ACER3: variants seen among roughly 807,000 people sequenced by gnomAD.
ACER3 encodes alkCDase 3.
ACER3 carries 16 observed loss-of-function variants against 48.9 expected under a neutral mutation model. The observed-to-expected ratio is 0.33, with a 90% CI of 0.22 to 0.50. ACER3 has a LOEUF of 0.50. Among genes scored for constraint, ACER3 ranks in the 20% least tolerant of loss-of-function variants. The probability of loss-of-function intolerance (pLI) is 0.98; values close to 1 mark genes in which losing one functional copy is unlikely to be tolerated. For synonymous variants in ACER3, 109 were observed against 107.8 expected (o/e 1.01, Z -0.07); for missense variants, 227 against 326.0 (o/e 0.70, Z 2.34).
chr11:76,971,324 G>T (rs548797833), intron 3 of ACER3, among the ~76,000 whole-genome samples: 5 of 151,990 alleles, frequency 3.3e-5, no homozygotes, highest in Non-Finnish European at 7.4e-5. Context: ...GGTGGATCAC[G>T]AGGTCAAGAG....
At chr11:76,917,409 C>T (rs1370190458) in intron 1 of ACER3, among the ~76,000 whole-genome samples, 1 of 151,940 alleles carries the variant, frequency 6.6e-6, no homozygotes, top group Non-Finnish European at 1.5e-5. Flanking sequence ...TTATATATAT[C>T]CCAAAGAAAA....
At chr11:76,927,380 T>C (rs1466097501) in intron 2 of ACER3, among the ~76,000 whole-genome samples, 1 of 152,230 alleles carries the variant, frequency 6.6e-6, no homozygotes, top group Admixed American at 6.5e-5. Flanking sequence ...TGTCATGTTC[T>C]TGCATCATCA....
intron 1 of ACER3, among the ~76,000 whole-genome samples, chr11:76,905,923 A>G (rs948902170): frequency 9.9e-5 from 15 of 152,252 alleles, no homozygotes; most frequent in African/African-American, 3.6e-4. Flanking sequence ...TACACACCAA[A>G]TTAACCATTA....
chr11:76,970,263 G>T (rs1049241638), intron 3 of ACER3, among the ~76,000 whole-genome samples: 10 of 152,176 alleles, frequency 6.6e-5, no homozygotes, highest in African/African-American at 2.4e-4. Context: ...CATCCAGTCA[G>T]TTGGAGAGCT....
At chr11:76,959,861 T>G (rs193069057) in intron 3 of ACER3, among the ~76,000 whole-genome samples, 1 of 152,060 alleles carries the variant, frequency 6.6e-6, no homozygotes, top group African/African-American at 2.4e-5. Context: ...GCCGTTAGTG[T>G]TAATTTTATG....
In ACER3 at chr11:76,901,209, T is replaced by C. The variant is rs567942208; in HGVS notation, c.104-25348T>C. On this transcript the variant is annotated intron_variant, in intron 1 of 10. Transcript: ENST00000532485. ...AAGGGGGTAGATCACTTTGATACTTTTGGTGTTGAACTTATGGGGTTCTCA... is the reference window on the plus strand; with the variant it reads ...AAGGGGGTAGATCACTTTGATACTTCTGGTGTTGAACTTATGGGGTTCTCA... Among the ~76,000 whole-genome samples, 4 of 152,046 alleles carry C rather than the reference T, an allele frequency of 2.6e-5. No homozygotes were observed. The South Asian group carries it at 8.4e-4, about 32-fold the overall frequency.
intron 1 of ACER3, among the ~76,000 whole-genome samples, chr11:76,890,091 T>C (rs1328959429): frequency 6.6e-6 from 1 of 152,180 alleles, no homozygotes; most frequent in Non-Finnish European, 1.5e-5. Flanking sequence ...TTTTGGAGAT[T>C]TGAGAAATCT....
chr11:77,010,611 C>T (rs949930134), intron 7 of ACER3, among the ~76,000 whole-genome samples: 3 of 152,026 alleles, frequency 2.0e-5, no homozygotes, highest in Non-Finnish European at 4.4e-5. Context: ...AATTGATGGG[C>T]ATGAGTTATT....
chr11:76,942,608 A>G (rs1947366506), intron 2 of ACER3, among the ~76,000 whole-genome samples: 1 of 151,546 alleles, frequency 6.6e-6, no homozygotes, highest in Non-Finnish European at 1.5e-5. Flanking sequence ...GAGGTTTTTT[A>G]TGTCTATGTT....
At position 76,985,647 on chromosome 11, in the gene ACER3, G is replaced by A; in HGVS notation, c.325G>A (p.Glu109Lys). The change falls in exon 5 of 11, where the codon GAA becomes AAA. Residue 109 changes from glutamate to lysine, a missense_variant. Around this residue, in one of 3 missense-constraint regions of ACER3, gnomAD observed 195 missense variants for 290.8 expected, o/e 0.67. Transcript: ENST00000532485. The stretch of plus-strand genomic sequence containing the variant: ...TCTTTCTCTCTTTTTTTCAAGGTTT[G>A]AATGTTTCAAGATCAAGAACTCAGT... ...SCCIFVYCMF[E>K]CFKIKNSVNY... 1 of 1,558,242 alleles carries A rather than the reference G, an allele frequency of 6.4e-7. No homozygotes were observed. The highest frequency in any genetic ancestry group is 8.6e-7 in the Non-Finnish European group (1 of 1,160,052).
chr11:76,990,880 AAGTCTTTT>A (rs1448865507), intron 6 of ACER3, among the ~76,000 whole-genome samples: 5 of 152,246 alleles, frequency 3.3e-5, no homozygotes, highest in African/African-American at 1.2e-4. Flanking sequence ...CATACACATA[AAGTCTTTT>A]TATGACATCT....
rs141223521 is a variant in ACER3 at position 76,948,599 on chromosome 11, A to G, written c.215-10380A>G. Among the ~76,000 whole-genome samples the G allele has an allele frequency of 8.8e-4, 134 of 152,280 alleles. 1 individual carries two copies. The East Asian group carries it at 0.019, about 21-fold the overall frequency. On this transcript the variant is annotated intron_variant, in intron 2 of 10. Transcript: ENST00000532485. ...GTACTAATAACACTAAAACCTCTGAATATGTAGATTTTATATCATATACCA... is the reference window on the plus strand; with the variant it reads ...GTACTAATAACACTAAAACCTCTGAGTATGTAGATTTTATATCATATACCA...
chr11:76,948,211 C>CTGTGTATGTGTGTGTG (rs1427598124), intron 2 of ACER3, among the ~76,000 whole-genome samples: 1 of 135,664 alleles, frequency 7.4e-6, no homozygotes, highest in African/African-American at 2.7e-5. Flanking sequence ...CTGGCTCACT[C>CTGTGTATGTGTGTGTG]TGTGTGTGTG....
intron 2 of ACER3, among the ~76,000 whole-genome samples, chr11:76,955,040 G>C (rs746359574): frequency 1.6e-4 from 25 of 152,080 alleles, no homozygotes; most frequent in Admixed American, 3.9e-4. Context: ...TGGTGTCCTC[G>C]TTAAGGAAAT....
chr11:76,929,206 T>G (rs1335280883), intron 2 of ACER3, among the ~76,000 whole-genome samples: 1 of 152,168 alleles, frequency 6.6e-6, no homozygotes, highest in Non-Finnish European at 1.5e-5. Flanking sequence ...CCTAGGTATT[T>G]TATTCTCTTT....
intron 7 of ACER3, among the ~76,000 whole-genome samples, chr11:77,005,993 T>TATATATATATACATATATATATATATA (rs1565224912): frequency 1.1e-5 from 1 of 87,962 alleles, no homozygotes; most frequent in Admixed American, 1.2e-4. Flanking sequence ...ATATATATAT[T>TATATATATATACATATATATATATATA]TTTTTTTTTT....
At chr11:77,018,349 T>C (rs1949411234) in intron 9 of ACER3, among the ~76,000 whole-genome samples, 1 of 152,188 alleles carries the variant, frequency 6.6e-6, no homozygotes, top group African/African-American at 2.4e-5. Context: ...GCTCCACCAA[T>C]TGGCCATTCC....
intron 2 of ACER3, among the ~76,000 whole-genome samples, chr11:76,934,181 A>G (rs1385605648): frequency 6.6e-6 from 1 of 151,174 alleles, no homozygotes; most frequent in Non-Finnish European, 1.5e-5. Context: ...GCGGCCGGGC[A>G]GAGACGCTCC....
intron 5 of ACER3, among the ~76,000 whole-genome samples, chr11:76,986,784 G>A (rs1463743970): frequency 6.6e-6 from 1 of 152,184 alleles, no homozygotes; most frequent in Non-Finnish European, 1.5e-5. Flanking sequence ...GTGTGGAGCA[G>A]TTAGGCGCAG....
Sources: allele counts gnomAD v4.1 joint callset (sites outside exome capture counted in the v4.1 genomes callset), GRCh38; gene constraint gnomAD v4.1.1; regional missense constraint gnomAD v4.1.1; transcripts MANE v1.5; gene names NCBI Gene and HGNC (gene_info 2026-07-23, HGNC 2026-07-21).